RELN: variants seen among roughly 807,000 people sequenced by gnomAD.
RELN encodes the protein reelin.
RELN carries 108 observed loss-of-function variants against 427.6 expected under a neutral mutation model. That is an observed-to-expected ratio of 0.25 (90% confidence interval 0.22 to 0.30). The LOEUF is 0.30. Among genes scored for constraint, RELN ranks in the 10% least tolerant of loss-of-function variants. The pLI is 1.00. For synonymous variants in RELN, 1,524 were observed against 1,513.4 expected, an observed-to-expected ratio of 1.01 and a Z score of -0.16; for missense variants, 3,715 against 4,302.8, an observed-to-expected ratio of 0.86 and a Z score of 3.82.
intron 5 of RELN, 115 bp from the exon 6 acceptor site, chr7:103,749,619 T>G: frequency 1.3e-6 from 1 of 773,578 alleles, no homozygotes; most frequent in Non-Finnish European, 2.3e-6. Context: ...AACTAAATTT[T>G]AAATGAGCAG....
At chr7:103,517,988 A>G (rs952807475) in intron 49 of RELN, among the ~76,000 whole-genome samples, 4 of 152,082 alleles carry the variant, frequency 2.6e-5, no homozygotes, top group African/African-American at 7.2e-5. Context: ...TCTCGCCCCA[A>G]TCTCCTTCCT....
chr7:103,639,489 TC>T (rs1832653696), intron 17 of RELN, among the ~76,000 whole-genome samples: 2 of 150,374 alleles, frequency 1.3e-5, no homozygotes, highest in South Asian at 4.3e-4. Context: ...AACCTCTACC[TC>T]CCGGGTTCAG....
chr7:103,984,245 T>G (rs114040110), intron 1 of RELN, among the ~76,000 whole-genome samples: 1,854 of 152,154 alleles, frequency 0.012, 36 homozygotes, highest in African/African-American at 0.042. Flanking sequence ...ATGCTGACTT[T>G]AAAATCTTGG....
At chr7:103,698,737 ACT>A in intron 9 of RELN, among the ~76,000 whole-genome samples, 1 of 151,742 alleles carries the variant, frequency 6.6e-6, no homozygotes, top group Non-Finnish European at 1.5e-5. Context: ...CTGGTCTCAA[ACT>A]CCTGGGCTCA....
chr7:103,624,248 T>G lies in RELN; in HGVS notation c.2702+5692A>C, dbSNP rs140313188. Among the ~76,000 whole-genome samples the G allele has an allele frequency of 9.8e-5, 15 of 152,286 alleles. No individual in the cohort carries two copies. The East Asian group carries it at 2.7e-3, about 27-fold the overall frequency. ...AAATGTCCTGAACATGTAGCATTTG[T>G]CAATTCCCTTTGACTTGGGCCACCC... On this transcript the variant is annotated intron_variant, in intron 20 of 64. Coordinates refer to ENST00000428762, the MANE Select transcript of RELN (RefSeq NM_005045.4).
In RELN at chr7:103,603,424, T is replaced by A; in HGVS notation, c.3213A>T (p.Ser1071=). The A allele has an allele frequency of 2.5e-6, 4 of 1,613,924 alleles. No homozygotes were observed. The highest frequency in any genetic ancestry group is 3.4e-6 in the Non-Finnish European group (4 of 1,179,858). Residue 1071 remains serine (S), a synonymous_variant, in exon 24 of 65, where the codon TCA becomes TCT. Coordinates refer to ENST00000428762, the MANE Select transcript of RELN (RefSeq NM_005045.4). The surrounding 1 kb of genome is among the most constrained non-coding windows in gnomAD (Gnocchi z 4.3). The part of the protein sequence containing the change: ...PEAALPSTIM[S]DFENQNGWES... ...CCCAGCCATTCTGGTTCTCAAAATC[T>A]GACATAATTGTGGACGGAAGGGCAG...
rs185564157 is a variant in RELN at position 103,547,335 on chromosome 7, C to T, written c.6303-1991G>A. Among the ~76,000 whole-genome samples, 7 of 152,300 alleles carry T rather than the reference C, an allele frequency of 4.6e-5. No homozygotes were observed. In the East Asian group the frequency reaches 1.4e-3, roughly 29 times the overall value. On this transcript the variant is annotated intron_variant, in intron 41 of 64. Transcript: ENST00000428762. ...TTTCATTGTTCCATCTTGCTCTTGT[C>T]GCCCAGGCTTGAGTGCAGTGGCACG...
chr7:103,832,239 C>G (rs1026399865), intron 3 of RELN, among the ~76,000 whole-genome samples: 2 of 152,058 alleles, frequency 1.3e-5, no homozygotes, highest in Admixed American at 6.6e-5. Context: ...AATAGAAAAC[C>G]ATTCAAGATG....
chr7:103,846,861 C>G (rs1793691112), intron 2 of RELN, among the ~76,000 whole-genome samples: 1 of 148,314 alleles, frequency 6.7e-6, no homozygotes, highest in Non-Finnish European at 1.5e-5. Flanking sequence ...CAAATCAAAG[C>G]CACAGTGCGA....
intron 2 of RELN, among the ~76,000 whole-genome samples, chr7:103,910,614 T>C (rs1296306891): frequency 7.1e-6 from 1 of 140,038 alleles, no homozygotes; most frequent in African/African-American, 2.7e-5. Context: ...ACTACAAGGC[T>C]ACAGTAACCA....
chr7:103,874,403 G>T (rs1191578233), intron 2 of RELN, among the ~76,000 whole-genome samples: 1 of 142,620 alleles, frequency 7.0e-6, no homozygotes, highest in Non-Finnish European at 1.5e-5. Context: ...ATTAGGAAAA[G>T]AGGAAGTCAA....
chr7:103,860,278 T>C (rs534822351), intron 2 of RELN, among the ~76,000 whole-genome samples: 97 of 152,340 alleles, frequency 6.4e-4, no homozygotes, highest in African/African-American at 2.3e-3. Flanking sequence ...AACACTTTTT[T>C]ACTATATTCC....
Position 103,839,641 on chromosome 7 carries a change from T to C in RELN, c.338-5969A>G, listed in dbSNP as rs557737212. 2.0e-5 allele frequency among the ~76,000 whole-genome samples: 3 copies of C among 152,248 alleles called. No individual in the cohort carries two copies. In the East Asian group the frequency reaches 5.8e-4, roughly 29 times the overall value. Reference sequence around the variant, plus strand: ...CTACTTGGGTGGTACTGATAAAAAATACAATATAAGAGTGAAAAGTTATTA... The same window carrying C: ...CTACTTGGGTGGTACTGATAAAAAACACAATATAAGAGTGAAAAGTTATTA... On this transcript the variant is annotated intron_variant, in intron 2 of 64. Transcript: ENST00000428762.
At chr7:103,895,674 T>G (rs34566446) in intron 2 of RELN, among the ~76,000 whole-genome samples, 60,703 of 151,752 alleles carry the variant, frequency 0.4, 13,035 homozygotes, top group East Asian at 0.76. Flanking sequence ...GTGTATCAAC[T>G]CTAGTATCTA....
At position 103,909,743 on chromosome 7, in the gene RELN, AAAT is replaced by A. The variant is rs1459230396; in HGVS notation, c.337+7329_337+7331del. Among the ~76,000 whole-genome samples the A allele has an allele frequency of 3.0e-4, 12 of 40,304 alleles. 1 individual carries two copies. The highest frequency in any genetic ancestry group is 9.5e-4 in the Admixed American group (3 of 3,174). 26.4% of individuals were successfully genotyped at this position (40,304 alleles called of 152,430 possible). A position where few individuals can be genotyped will look rare whatever the true frequency, so the allele number is the denominator to read the frequency against. On this transcript the variant is annotated intron_variant, in intron 2 of 64. Transcript: ENST00000428762. ...ATTAAATATATTTTTTAATATATAT[AAAT>A]ATATATATTAAATATATATATTTAA...
chr7:103,629,602 A>T (rs1832406554), intron 20 of RELN, among the ~76,000 whole-genome samples: 2 of 151,604 alleles, frequency 1.3e-5, no homozygotes, highest in South Asian at 4.2e-4. Context: ...TATGGTCATC[A>T]CTTTAATAAC....
Position 103,535,348 on chromosome 7 carries a change from A to T in RELN, c.7317T>A (p.Thr2439=). 6.2e-7 allele frequency: 1 copy of T among 1,614,068 alleles called. No individual in the cohort carries two copies. The highest frequency in any genetic ancestry group is 8.5e-7 in the Non-Finnish European group (1 of 1,179,958). ...ILVSDTFNKW[T]RITLPLPPYT... Reference sequence around the variant, plus strand: ...AAGGAGGGAGAGGCAGAGTGATTCTAGTCCACTTGTTGAAAGTGTCTGACA... The same window carrying T: ...AAGGAGGGAGAGGCAGAGTGATTCTTGTCCACTTGTTGAAAGTGTCTGACA... The change falls in exon 46 of 65, where the codon ACT becomes ACA. Residue 2439 remains threonine, a synonymous_variant. Coordinates refer to ENST00000428762, the MANE Select transcript of RELN (RefSeq NM_005045.4).
intron 1 of RELN, among the ~76,000 whole-genome samples, chr7:103,952,090 A>G (rs1272831187): frequency 6.6e-6 from 1 of 152,252 alleles, no homozygotes; most frequent in Non-Finnish European, 1.5e-5. Flanking sequence ...TTGTCAAGTC[A>G]GTTCTCAATA....
intron 63 of RELN, chr7:103,482,242 G>C (rs762218049): frequency 2.1e-4 from 32 of 153,916 alleles, no homozygotes; most frequent in Non-Finnish European, 4.3e-4. Context: ...CGAACCCGTC[G>C]AGACATAAGC....
Sources: allele counts gnomAD v4.1 joint callset (sites outside exome capture counted in the v4.1 genomes callset), GRCh38; gene constraint gnomAD v4.1.1; non-coding constraint Gnocchi (gnomAD v3.1); transcripts MANE v1.5; gene names NCBI Gene and HGNC (gene_info 2026-07-23, HGNC 2026-07-21).